CDC25C: variants seen among roughly 807,000 people sequenced by gnomAD.
CDC25C encodes the protein M-phase inducer phosphatase 3.
CDC25C carries 48 observed loss-of-function variants against 52.5 expected under a neutral mutation model. That is an observed-to-expected ratio of 0.91 (90% CI 0.72 to 1.16). The LOEUF is 1.16. Ranked by LOEUF, CDC25C falls within the 50% of genes most tolerant of loss-of-function variation. CDC25C has a pLI of 0.00. For missense variants in CDC25C, 510 were observed against 566.1 expected (o/e 0.90, Z 1.01); for synonymous variants, 187 against 206.5 (o/e 0.91, Z 0.81).
In CDC25C at chr5:138,291,962, G is replaced by C. The variant is rs11567989; in HGVS notation, c.762+8C>G. 1,028 of 1,599,450 alleles carry C rather than the reference G, an allele frequency of 6.4e-4. 7 individuals are homozygous for C. The African/African-American group carries it at 0.013, about 20-fold the overall frequency. On this transcript the variant is annotated splice_region_variant and intron_variant, in intron 8 of 13. Transcript: ENST00000323760. ...ATGAACAAGATTTTCATCTTAAAAA[G>C]TTCTTACCTTCCTGAGCTTTCCTTG...
chr5:138,336,833 CAGTT>C (rs1241267947), upstream of CDC25C: 3 of 152,200 alleles, frequency 2.0e-5, no homozygotes, highest in South Asian at 2.1e-4. Flanking sequence ...CCTATTTTCT[CAGTT>C]AGTACTGTAC....
At chr5:138,326,870 T>C (rs200379007) in intron 4 of CDC25C, among the ~76,000 whole-genome samples, 1 of 146,998 alleles carries the variant, frequency 6.8e-6, no homozygotes, top group South Asian at 2.1e-4. Flanking sequence ...GAGAATCGCT[T>C]GAACCCGGGA....
At chr5:138,325,212 T>C (rs1374493441) in intron 6 of CDC25C, among the ~76,000 whole-genome samples, 1 of 152,088 alleles carries the variant, frequency 6.6e-6, no homozygotes, top group South Asian at 2.1e-4. Flanking sequence ...TTTATGGTAA[T>C]GATTTGGGGA....
rs1756163586 is a variant in CDC25C, at chr5:138,285,814, G to A, written c.1300C>T (p.Pro434Ser). Reference protein sequence around the residue: ...MELCEPQSYCPMHHQDHKTEL... With the variant: ...MELCEPQSYCSMHHQDHKTEL... Reference sequence around the variant, plus strand: ...GTCTTGTGGTCCTGATGATGCATAGGGCAGTAGCTCTGTGGTTCACACAGT... The same window carrying A: ...GTCTTGTGGTCCTGATGATGCATAGAGCAGTAGCTCTGTGGTTCACACAGT... Residue 434 changes from proline to serine, a missense_variant, in exon 14 of 14, where the codon CCT becomes TCT. Pro to Ser is a moderately conservative substitution (Grantham distance 74). Coordinates refer to ENST00000323760, the MANE Select transcript of CDC25C (RefSeq NM_001790.5). The A allele has an allele frequency of 6.2e-7, 1 of 1,614,048 alleles. No individual in the cohort carries two copies. Among genetic ancestry groups the A allele is most frequent in the Non-Finnish European group, 8.5e-7 (1 of 1,180,032 alleles).
At position 138,331,231 on chromosome 5, in the gene CDC25C, C is replaced by T. The variant is rs1315340008; in HGVS notation, c.-38-13G>A. ...AAACAAAACCTAGCTAGGAGGAAAA[C>T]GTCATCTAAATCGGTACATCACAGT... On this transcript the variant is annotated splice_polypyrimidine_tract_variant and intron_variant, in intron 1 of 13. Transcript: ENST00000323760. 2 of 1,546,646 alleles carry T rather than the reference C, an allele frequency of 1.3e-6. No homozygotes were observed. The highest frequency in any genetic ancestry group is 1.4e-5 in the African/African-American group (1 of 73,534).
chr5:138,304,874 A>T (rs1181523647), intron 7 of CDC25C, among the ~76,000 whole-genome samples: 6 of 152,048 alleles, frequency 3.9e-5, no homozygotes, highest in Admixed American at 2.6e-4. Context: ...TCACAAAACA[A>T]ATCAGACCAT....
chr5:138,289,439 G>T, intron 10 of CDC25C, 62 bp downstream of exon 10: 1 of 1,192,806 alleles, frequency 8.4e-7, no homozygotes, highest in Non-Finnish European at 1.3e-6. Flanking sequence ...GGGCATTTTA[G>T]GGACAGAAGA....
At chr5:138,329,923 G>C (rs1760218787) in intron 2 of CDC25C, among the ~76,000 whole-genome samples, 1 of 151,962 alleles carries the variant, frequency 6.6e-6, no homozygotes. Context: ...TAGAGATGGG[G>C]CTTCACCATG....
rs1393731083 is a variant in CDC25C at position 138,290,763 on chromosome 5, C to T, written c.763-23G>A. ...GCCCTGAAGATGACAAGATTCCCAC[C>T]CCACACCCAATCCTCATGTTAAAGG... On this transcript the variant is annotated intron_variant, in intron 8 of 13. Coordinates refer to ENST00000323760, the MANE Select transcript of CDC25C (RefSeq NM_001790.5). 5.1e-6 allele frequency: 7 copies of T among 1,377,958 alleles called. No individual in the cohort carries two copies. In the Admixed American group the frequency reaches 8.4e-5, roughly 17 times the overall value. The allele number at this position is 1,377,958 out of a possible 1,614,324, so 85.4% of individuals were successfully genotyped here.
intron 7 of CDC25C, among the ~76,000 whole-genome samples, chr5:138,294,146 C>T (rs899394760): frequency 7.3e-5 from 11 of 151,080 alleles, no homozygotes; most frequent in Non-Finnish European, 1.3e-4. Flanking sequence ...CTTGCCTCAG[C>T]CTCTGGAGTA....
At chr5:138,307,851 C>CT (rs1317536898) in intron 7 of CDC25C, among the ~76,000 whole-genome samples, 2 of 152,130 alleles carry the variant, frequency 1.3e-5, no homozygotes, top group Non-Finnish European at 2.9e-5. Context: ...CTTTTTGATA[C>CT]TGGGGACCAG....
At chr5:138,337,318 G>A (rs78048598) in intron 1 of CDC25C, among the ~76,000 whole-genome samples, 1,541 of 152,292 alleles carry the variant, frequency 0.01, 13 homozygotes, top group Non-Finnish European at 0.016. Context: ...GTGGGAGGTG[G>A]TGGTAGTGGT....
intron 7 of CDC25C, among the ~76,000 whole-genome samples, chr5:138,309,614 AT>A (rs1446367899): frequency 2.0e-5 from 3 of 152,122 alleles, no homozygotes; most frequent in South Asian, 4.2e-4. Context: ...AAATAAAAAA[AT>A]AAAAATAAAA....
chr5:138,328,818 A>C (rs1204793002), intron 3 of CDC25C: 5 of 259,904 alleles, frequency 1.9e-5, no homozygotes, highest in African/African-American at 1.1e-4. Context: ...TATCACTCAG[A>C]AAATCTGAAA....
At position 138,326,049 on chromosome 5, in the gene CDC25C, T is replaced by C. The variant is rs1001542255; in HGVS notation, c.341A>G (p.His114Arg). 19 of 1,614,114 alleles carry C rather than the reference T, an allele frequency of 1.2e-5. No individual in the cohort carries two copies. The highest frequency in any genetic ancestry group is 1.4e-5 in the Non-Finnish European group (17 of 1,180,036). The change falls in exon 5 of 14, where the codon CAT becomes CGT. Residue 114 changes from histidine to arginine, a missense_variant. Coordinates refer to ENST00000323760, the MANE Select transcript of CDC25C (RefSeq NM_001790.5). The stretch of plus-strand genomic sequence containing the variant: ...GCTACATTTCATTAGGTGCTGGTCA[T>C]GATTCCTGCAGATTAAAACAAACTG... ...LQEVHLAGMN[H>R]DQHLMKCSPA... is the part of the protein sequence containing the mutation.
intron 7 of CDC25C, among the ~76,000 whole-genome samples, chr5:138,316,952 C>G (rs897657283): frequency 7.9e-5 from 12 of 151,426 alleles, no homozygotes; most frequent in African/African-American, 2.9e-4. Context: ...GACAACAACT[C>G]AGGCAAAGGC....
intron 4 of CDC25C, among the ~76,000 whole-genome samples, chr5:138,326,467 G>C (rs1219049662): frequency 6.6e-6 from 1 of 151,652 alleles, no homozygotes; most frequent in Non-Finnish European, 1.5e-5. Context: ...TCAGCCTCCT[G>C]AGTAGCTGGG....
upstream of CDC25C, chr5:138,332,032 G>T (rs1760436036): frequency 4.6e-6 from 2 of 431,492 alleles, no homozygotes; most frequent in Non-Finnish European, 6.2e-6. Context: ...CGTTAGGCAG[G>T]CTGCGGGGTA....
At chr5:138,333,588 GA>G (rs1760541109), upstream of CDC25C, 1 of 152,234 alleles carries the variant, frequency 6.6e-6, no homozygotes, top group African/African-American at 2.4e-5. Context: ...TATCTGCTTT[GA>G]CGACTACAGT....
Sources: gnomAD v4.1 joint callset for allele counts (sites outside exome capture counted in the v4.1 genomes callset) on GRCh38, gnomAD v4.1.1 for gene constraint, MANE v1.5 for transcripts, NCBI Gene and HGNC (gene_info 2026-07-23, HGNC 2026-07-21) for gene names.